The following PTPRR variants were observed in gnomAD, a reference collection of about 807,000 sequenced individuals.
PTPRR encodes the protein receptor-type tyrosine-protein phosphatase R.
Under a neutral mutation model 77.2 loss-of-function variants are expected in PTPRR, and 38 were observed. That is an observed-to-expected ratio of 0.49 (90% confidence interval 0.38 to 0.65). The LOEUF is 0.65. PTPRR is among the 30% of genes least tolerant of loss of function. The pLI is 0.00. For synonymous variants in PTPRR, 299 were observed against 283.1 expected (o/e 1.06, Z -0.57); for missense variants, 744 against 799.2 (o/e 0.93, Z 0.83).
At chr12:70,712,625 A>G (rs1001644065) in intron 6 of PTPRR, among the ~76,000 whole-genome samples, 29 of 151,900 alleles carry the variant, frequency 1.9e-4, no homozygotes, top group African/African-American at 7.0e-4. Flanking sequence ...GTAAAAAATA[A>G]GTATTTCTGG....
In PTPRR at chr12:70,656,756, C is replaced by T. The variant is rs1188495723; in HGVS notation, c.1828G>A (p.Glu610Lys). 5 of 1,613,900 alleles carry T rather than the reference C, an allele frequency of 3.1e-6. No homozygotes were observed. The African/African-American group carries it at 5.3e-5, about 17-fold the overall frequency. Residue 610 changes from glutamate (E) to lysine (K), a missense_variant, in exon 13 of 14, where the codon GAA becomes AAA. Glu to Lys is a moderately conservative substitution (Grantham distance 56). Coordinates refer to ENST00000283228, the MANE Select transcript of PTPRR (RefSeq NM_002849.4). ...CTTAGTGCATCCACAACTCCTTCTTCTTTCAGCTGTTGACAGCCAATGGAT... is the reference window on the plus strand; with the variant it reads ...CTTAGTGCATCCACAACTCCTTCTTTTTTCAGCTGTTGACAGCCAATGGAT... ...ATSIGCQQLKEEGVVDALSIV... is the reference protein window; with the variant it reads ...ATSIGCQQLKKEGVVDALSIV...
At chr12:70,894,194 C>A (rs894945977) in intron 1 of PTPRR, among the ~76,000 whole-genome samples, 2 of 151,780 alleles carry the variant, frequency 1.3e-5, no homozygotes, top group Admixed American at 6.6e-5. Flanking sequence ...TCTCCAATCT[C>A]CTACTATTTT....
chr12:70,638,402 A>T lies in PTPRR; in HGVS notation c.*782T>A, dbSNP rs1310507654. ...AAACTCTTGATACTTCAGAGTTGCT[A>T]CAAATTTGTTTTTCCCTTTTAAAGT... On this transcript the variant is annotated 3_prime_UTR_variant, in exon 14 of 14. Transcript: ENST00000283228. 1 of 152,528 alleles carries T rather than the reference A, an allele frequency of 6.6e-6. No homozygotes were observed. The highest frequency in any genetic ancestry group is 1.5e-5 in the Non-Finnish European group (1 of 68,008). The allele number at this position is 152,528 out of a possible 1,614,324, so 9.4% of individuals were successfully genotyped here. A position where few individuals can be genotyped will look rare whatever the true frequency, so the allele number is the denominator to read the frequency against.
intron 10 of PTPRR, chr12:70,673,031 C>CAAAAAAAAAAAAAAAAAA (rs1229938892): frequency 2.4e-6 from 1 of 412,714 alleles, no homozygotes; most frequent in African/African-American, 3.4e-5. Context: ...CGGGCCAAAG[C>CAAAAAAAAAAAAAAAAAA]AAAAAAAAAA....
intron 2 of PTPRR, among the ~76,000 whole-genome samples, chr12:70,767,927 C>T (rs567230498): frequency 0.046 from 7,010 of 151,952 alleles, 194 homozygotes; most frequent in Middle Eastern, 0.085. Context: ...GGGTACATAA[C>T]GAAATGAAGG....
At chr12:70,878,190 GC>G (rs1893085453) in intron 2 of PTPRR, among the ~76,000 whole-genome samples, 1 of 152,160 alleles carries the variant, frequency 6.6e-6, no homozygotes, top group South Asian at 2.1e-4. Context: ...ATAGGCATGA[GC>G]AAGGACTTCA....
At chr12:70,902,659 C>G (rs1220198086) in intron 1 of PTPRR, among the ~76,000 whole-genome samples, 1 of 151,748 alleles carries the variant, frequency 6.6e-6, no homozygotes, top group Non-Finnish European at 1.5e-5. Flanking sequence ...ATCGTATGTT[C>G]TCACTGATAT....
intron 13 of PTPRR, among the ~76,000 whole-genome samples, chr12:70,655,999 C>T (rs1022316024): frequency 2.0e-5 from 3 of 152,028 alleles, no homozygotes; most frequent in African/African-American, 7.3e-5. Flanking sequence ...ATCCCTCGAG[C>T]CCAGGCATTC....
intron 2 of PTPRR, among the ~76,000 whole-genome samples, chr12:70,871,222 C>A (rs1892953736): frequency 6.6e-6 from 1 of 152,188 alleles, no homozygotes; most frequent in Non-Finnish European, 1.5e-5. Context: ...TGATGTGTAG[C>A]CCCTCTGGCA....
At chr12:70,735,516 G>A (rs1186043933) in intron 6 of PTPRR, among the ~76,000 whole-genome samples, 1 of 152,136 alleles carries the variant, frequency 6.6e-6, no homozygotes, top group African/African-American at 2.4e-5. Context: ...ACCTCCCACT[G>A]GGTCCCTCCC....
chr12:70,771,149 TATA>T (rs1404735087), intron 2 of PTPRR, among the ~76,000 whole-genome samples: 7 of 145,216 alleles, frequency 4.8e-5, no homozygotes, highest in African/African-American at 8.1e-5. Context: ...AAACTTAAAG[TATA>T]ATAATAATAA....
intron 2 of PTPRR, among the ~76,000 whole-genome samples, chr12:70,785,671 T>C (rs1891305902): frequency 6.6e-6 from 1 of 152,190 alleles, no homozygotes; most frequent in Non-Finnish European, 1.5e-5. Flanking sequence ...TGTGACTTCA[T>C]GTCCATTTAT....
intron 2 of PTPRR, among the ~76,000 whole-genome samples, chr12:70,782,030 T>A (rs1891213420): frequency 6.6e-6 from 1 of 152,222 alleles, no homozygotes; most frequent in Non-Finnish European, 1.5e-5. Context: ...ATTAAAACAA[T>A]TAACAAAGAG....
At position 70,673,021 on chromosome 12, in the gene PTPRR, C is replaced by T. The variant is rs11178357; in HGVS notation, c.1498-10416G>A. The T allele has an allele frequency of 1.3e-4, 91 of 726,426 alleles. No individual in the cohort carries two copies. In the African/African-American group the frequency reaches 1.9e-3, roughly 15 times the overall value. 45.0% of individuals were successfully genotyped at this position (726,426 alleles called of 1,614,324 possible). ...ATAGAGCTCTCTTCAATAAATACGT[C>T]GGGCCAAAGCAAAAAAAAAAAAAAA... On this transcript the variant is annotated intron_variant, in intron 10 of 13. Transcript: ENST00000283228.
At chr12:70,665,607 C>G (rs950012312) in intron 10 of PTPRR, among the ~76,000 whole-genome samples, 3 of 151,330 alleles carry the variant, frequency 2.0e-5, no homozygotes, top group Non-Finnish European at 4.4e-5. Flanking sequence ...GTCTTGAACT[C>G]CTGACCTCAG....
chr12:70,653,264 G>A lies in PTPRR; in HGVS notation c.1880+3440C>T, dbSNP rs116799277. On this transcript the variant is annotated intron_variant, in intron 13 of 13. Transcript: ENST00000283228. Reference sequence around the variant, plus strand: ...CAGAGTTAGGGCCCCTTTCCTGTGTGAAGACAGGCCCTAAAATTTGAAGTG... The same window carrying A: ...CAGAGTTAGGGCCCCTTTCCTGTGTAAAGACAGGCCCTAAAATTTGAAGTG... Among the ~76,000 whole-genome samples, 845 of 152,282 alleles carry A rather than the reference G, an allele frequency of 5.5e-3. 8 individuals carry two copies. The highest frequency in any genetic ancestry group is 0.019 in the African/African-American group (808 of 41,570).
intron 10 of PTPRR, among the ~76,000 whole-genome samples, chr12:70,680,651 G>A (rs1253228390): frequency 6.6e-6 from 1 of 152,176 alleles, no homozygotes; most frequent in Non-Finnish European, 1.5e-5. Flanking sequence ...TACATGGCTG[G>A]TGAGCATGCA....
intron 13 of PTPRR, 169 bp from the exon 14 acceptor site, chr12:70,639,446 A>C: frequency 7.2e-7 from 1 of 1,389,024 alleles, no homozygotes; most frequent in Non-Finnish European, 9.4e-7. Context: ...CAACTATCAA[A>C]GTTAACATGG....
At chr12:70,764,622 C>G in intron 3 of PTPRR, 43 bp downstream of exon 3, 1 of 1,501,454 alleles carries the variant, frequency 6.7e-7, no homozygotes, top group Non-Finnish European at 9.3e-7. Flanking sequence ...AAAAACCACA[C>G]ACACGGCTTG....
Sources: allele counts gnomAD v4.1 joint callset (sites outside exome capture counted in the v4.1 genomes callset), GRCh38; gene constraint gnomAD v4.1.1; transcripts MANE v1.5; gene names NCBI Gene and HGNC (gene_info 2026-07-23, HGNC 2026-07-21).